GAS7: variants seen among roughly 807,000 people sequenced by gnomAD.
GAS7 encodes the protein growth arrest specific 7.
GAS7 carries 28 observed loss-of-function variants against 71.1 expected under a neutral mutation model. The observed-to-expected ratio is 0.39, with a 90% CI of 0.29 to 0.54. The LOEUF is 0.54. Ranked by LOEUF, GAS7 falls within the 20% of genes least tolerant of loss-of-function variation. The pLI is 0.62. For synonymous variants in GAS7, 258 were observed against 245.8 expected (o/e 1.05, Z -0.46); for missense variants, 436 against 627.8 (o/e 0.69, Z 3.27).
chr17:10,021,361 T>C (rs1481686198), intron 1 of GAS7, among the ~76,000 whole-genome samples: 2 of 152,184 alleles, frequency 1.3e-5, no homozygotes, highest in African/African-American at 4.8e-5. Flanking sequence ...TCTCACGCTT[T>C]GTGAAGGTTG....
At chr17:9,943,001 G>A (rs564775335) in intron 7 of GAS7, 120 bp downstream of exon 7, 15 of 625,930 alleles carry the variant, frequency 2.4e-5, no homozygotes, top group South Asian at 2.2e-4. Context: ...GCCGCCTGGC[G>A]CTAACCAGCC....
chr17:10,088,256 T>TAATAATAATAATAAAAAA (rs780525609), intron 1 of GAS7, among the ~76,000 whole-genome samples: 1 of 144,570 alleles, frequency 6.9e-6, no homozygotes, highest in South Asian at 2.3e-4. Flanking sequence ...ATAATAATAA[T>TAATAATAATAATAAAAAA]AAATATGTAT....
chr17:9,946,259 G>GA (rs961861631), intron 6 of GAS7, among the ~76,000 whole-genome samples: 3 of 152,124 alleles, frequency 2.0e-5, no homozygotes, highest in Middle Eastern at 3.4e-3. Context: ...TTTGAATGGT[G>GA]AAAAAAATAC....
Position 10,103,396 on chromosome 17 carries a change from A to C in GAS7, c.184-83499T>G, listed in dbSNP as rs2073725398. Among the ~76,000 whole-genome samples, 1 of 152,082 alleles carries C rather than the reference A, an allele frequency of 6.6e-6. No homozygotes were observed. The highest frequency in any genetic ancestry group is 1.5e-5 in the Non-Finnish European group (1 of 67,998). On this transcript the variant is annotated intron_variant, in intron 1 of 13. Coordinates refer to ENST00000432992, the MANE Select transcript of GAS7 (RefSeq NM_201433.2). This position sits in a 1 kb window ranked among gnomAD's most constrained non-coding sequence, Gnocchi z 5.5. ...CCCATGTAGTTGGTTTGCACATTTA[A>C]ATTTGAGAAGCACAGCTCATGCCAT...
intron 3 of GAS7, among the ~76,000 whole-genome samples, chr17:9,973,874 T>C (rs1269392174): frequency 6.6e-6 from 1 of 152,134 alleles, no homozygotes; most frequent in African/African-American, 2.4e-5. Context: ...CTTTCGAAAA[T>C]GAAATGCACA....
In GAS7 at chr17:10,198,463, G is replaced by A; in HGVS notation, c.-73C>T. Reference sequence around the variant, plus strand: ...CCACGGGCTGGGCAGCGGCTCCGCGGGGTCCCAGGCGCCCGGCGCTCCGGG... The same window carrying A: ...CCACGGGCTGGGCAGCGGCTCCGCGAGGTCCCAGGCGCCCGGCGCTCCGGG... On this transcript the variant is annotated 5_prime_UTR_variant, in exon 1 of 14. Coordinates refer to ENST00000432992, the MANE Select transcript of GAS7 (RefSeq NM_201433.2). The A allele has an allele frequency of 8.5e-7, 1 of 1,183,290 alleles. No homozygotes were observed. Among genetic ancestry groups the A allele is most frequent in the Non-Finnish European group, 1.1e-6 (1 of 905,880 alleles). 73.3% of individuals were successfully genotyped at this position (1,183,290 alleles called of 1,614,324 possible).
chr17:9,999,975 G>A (rs16959215), intron 2 of GAS7, among the ~76,000 whole-genome samples: 11,760 of 152,216 alleles, frequency 0.077, 897 homozygotes, highest in African/African-American at 0.2. Flanking sequence ...AGGAACAGGG[G>A]CAGCCTTAAA....
At chr17:9,995,308 T>A (rs923454221) in intron 2 of GAS7, among the ~76,000 whole-genome samples, 3 of 152,190 alleles carry the variant, frequency 2.0e-5, no homozygotes, top group Non-Finnish European at 4.4e-5. Context: ...ATTAGAATTA[T>A]GTTCAGTAAC....
intron 1 of GAS7, among the ~76,000 whole-genome samples, chr17:10,157,983 A>G (rs1242364649): frequency 6.6e-6 from 1 of 152,130 alleles, no homozygotes; most frequent in Non-Finnish European, 1.5e-5. Flanking sequence ...GCTCCAGCCT[A>G]GGCAACAGAA....
At chr17:10,160,455 A>G (rs945726521) in intron 1 of GAS7, among the ~76,000 whole-genome samples, 2 of 152,156 alleles carry the variant, frequency 1.3e-5, no homozygotes, top group Non-Finnish European at 2.9e-5. Flanking sequence ...CCTCTGTTTT[A>G]CAGATGTTGA....
intron 1 of GAS7, among the ~76,000 whole-genome samples, chr17:10,177,459 G>A (rs2142138283): frequency 6.6e-6 from 1 of 152,188 alleles, no homozygotes; most frequent in South Asian, 2.1e-4. Flanking sequence ...TGGAGAGGAT[G>A]CTGCTGACGC....
chr17:10,061,555 T>C (rs892800373), intron 1 of GAS7, among the ~76,000 whole-genome samples: 18 of 152,262 alleles, frequency 1.2e-4, no homozygotes, highest in Non-Finnish European at 2.2e-4. Context: ...TCGTGTTTTA[T>C]TGAGTTTTTT....
intron 1 of GAS7, among the ~76,000 whole-genome samples, chr17:10,149,148 A>G (rs2074144941): frequency 6.6e-6 from 1 of 152,196 alleles, no homozygotes; most frequent in South Asian, 2.1e-4. Context: ...TATCACCCAG[A>G]CTGGAGTGCA....
intron 2 of GAS7, among the ~76,000 whole-genome samples, chr17:10,002,787 C>T (rs954322656): frequency 6.6e-6 from 1 of 152,218 alleles, no homozygotes; most frequent in Non-Finnish European, 1.5e-5. Flanking sequence ...ATATGTGCCA[C>T]ATTTTCTTAA....
intron 2 of GAS7, among the ~76,000 whole-genome samples, chr17:9,991,769 G>C (rs1041840259): frequency 6.6e-6 from 1 of 152,102 alleles, no homozygotes; most frequent in Non-Finnish European, 1.5e-5. Context: ...GGCAAGGAAG[G>C]TTGACTGCAA....
chr17:9,996,488 G>A (rs1597641758), intron 2 of GAS7, among the ~76,000 whole-genome samples: 2 of 150,952 alleles, frequency 1.3e-5, no homozygotes, highest in Admixed American at 6.6e-5. Context: ...GATTTAATGG[G>A]TGCAGCACAC....
chr17:9,947,619 G>T (rs1017212301), intron 5 of GAS7, among the ~76,000 whole-genome samples: 2 of 151,946 alleles, frequency 1.3e-5, no homozygotes, highest in Admixed American at 6.6e-5. Flanking sequence ...TGGCGCATGC[G>T]TGTAATCCCA....
intron 1 of GAS7, among the ~76,000 whole-genome samples, chr17:10,196,363 G>A (rs1196230534): frequency 6.6e-6 from 1 of 152,156 alleles, no homozygotes; most frequent in African/African-American, 2.4e-5. Context: ...TCAGGGAACT[G>A]GTGATAACGT....
intron 3 of GAS7, among the ~76,000 whole-genome samples, chr17:9,970,213 G>A (rs374323084): frequency 6.6e-5 from 10 of 152,086 alleles, no homozygotes; most frequent in East Asian, 1.9e-4. Context: ...TCAGAGCAGC[G>A]GAGTGTGAAT....
Sources: allele counts gnomAD v4.1 joint callset (sites outside exome capture counted in the v4.1 genomes callset), GRCh38; gene constraint gnomAD v4.1.1; non-coding constraint Gnocchi (gnomAD v3.1); transcripts MANE v1.5; gene names NCBI Gene and HGNC (gene_info 2026-07-23, HGNC 2026-07-21).